CEP128: variants seen among roughly 807,000 people sequenced by gnomAD.
CEP128 encodes centrosomal protein 128.
CEP128 carries 132 observed loss-of-function variants against 156.7 expected under a neutral mutation model. That is an observed-to-expected ratio of 0.84 (90% CI 0.73 to 0.97). The LOEUF (loss-of-function observed/expected upper bound fraction) is 0.97. CEP128 is among the 50% of genes least tolerant of loss of function. The pLI is 0.00. For synonymous variants in CEP128, 469 were observed against 448.9 expected, an observed-to-expected ratio of 1.04 and a Z score of -0.57; for missense variants, 1,252 against 1,281.9, an observed-to-expected ratio of 0.98 and a Z score of 0.36.
chr14:80,635,538 G>C (rs7153484), intron 19 of CEP128, among the ~76,000 whole-genome samples: 44,566 of 151,972 alleles, frequency 0.29, 8,500 homozygotes, highest in African/African-American at 0.53. Flanking sequence ...GCTGCAAGAA[G>C]AGTTTCTTCT....
intron 19 of CEP128, among the ~76,000 whole-genome samples, chr14:80,693,959 T>A (rs1461240909): frequency 6.6e-6 from 1 of 152,156 alleles, no homozygotes; most frequent in African/African-American, 2.4e-5. Flanking sequence ...ATGTTTACAA[T>A]GAGGATGAGT....
At chr14:80,937,447 T>G (rs1885871315) in intron 2 of CEP128, among the ~76,000 whole-genome samples, 1 of 152,082 alleles carries the variant, frequency 6.6e-6, no homozygotes, top group Non-Finnish European at 1.5e-5. Flanking sequence ...ACTGTAGAAA[T>G]TCTTCAGAAA....
chr14:80,852,546 T>C (rs1023734530), intron 9 of CEP128, among the ~76,000 whole-genome samples: 1 of 151,580 alleles, frequency 6.6e-6, no homozygotes, highest in Non-Finnish European at 1.5e-5. Context: ...AATGAAGCAA[T>C]AAACAAAGCC....
intron 13 of CEP128, among the ~76,000 whole-genome samples, chr14:80,825,815 C>A (rs1885440676): frequency 6.6e-6 from 1 of 152,078 alleles, no homozygotes; most frequent in East Asian, 1.9e-4. Flanking sequence ...ATTTTACTTG[C>A]AGAACATCTC....
chr14:80,858,397 A>T lies in CEP128; in HGVS notation c.762+4360T>A, dbSNP rs228114. Among the ~76,000 whole-genome samples, 1,204 of 125,386 alleles carry T rather than the reference A, an allele frequency of 9.6e-3. 20 individuals carry two copies. Among genetic ancestry groups the T allele is most frequent in the African/African-American group, 0.035 (1,140 of 32,118 alleles). 82.3% of individuals were successfully genotyped at this position (125,386 alleles called of 152,430 possible). ...TTACACCTTATACAAAAATCAATTC[A>T]AGATGGATTAAAGACTTAAACGTTA... On this transcript the variant is annotated intron_variant, in intron 9 of 24. Coordinates refer to ENST00000555265, the MANE Select transcript of CEP128 (RefSeq NM_152446.5).
chr14:80,503,041 T>G (rs1887808807), intron 24 of CEP128, among the ~76,000 whole-genome samples: 1 of 152,180 alleles, frequency 6.6e-6, no homozygotes, highest in Non-Finnish European at 1.5e-5. Flanking sequence ...TTAAATTTTT[T>G]AAAGTATTTT....
At chr14:80,704,879 A>G (rs994175104) in intron 19 of CEP128, among the ~76,000 whole-genome samples, 2 of 151,924 alleles carry the variant, frequency 1.3e-5, no homozygotes, top group African/African-American at 4.8e-5. Context: ...TCAAAAACAG[A>G]GTAGATCAGT....
At chr14:80,922,707 G>A (rs1296262031) in intron 2 of CEP128, among the ~76,000 whole-genome samples, 1 of 152,062 alleles carries the variant, frequency 6.6e-6, no homozygotes, top group African/African-American at 2.4e-5. Flanking sequence ...CTTCATTATT[G>A]TCTTTAAAGA....
intron 21 of CEP128, among the ~76,000 whole-genome samples, chr14:80,554,808 C>T (rs1196957727): frequency 2.0e-5 from 3 of 151,790 alleles, no homozygotes; most frequent in Admixed American, 2.0e-4. Flanking sequence ...CATTAATTTT[C>T]AGTCTTTATT....
chr14:80,612,833 G>GT lies in CEP128; in HGVS notation c.2807-32411dup, dbSNP rs567021237. On this transcript the variant is annotated intron_variant, in intron 19 of 24. Transcript: ENST00000555265. Reference sequence around the variant, plus strand: ...ATAAAGATCTCAGAAACCAGAAAGTGTTTTTTTGTTTTTGTTTTTGTTTTT... The same window carrying GT: ...ATAAAGATCTCAGAAACCAGAAAGTGTTTTTTTTGTTTTTGTTTTTGTTTTT... Among the ~76,000 whole-genome samples, 423 of 151,804 alleles carry GT rather than the reference G, an allele frequency of 2.8e-3. 1 individual carries two copies. Among genetic ancestry groups the GT allele is most frequent in the Non-Finnish European group, 4.6e-3 (315 of 67,838 alleles).
chr14:80,704,794 T>C (rs34540535), intron 19 of CEP128, among the ~76,000 whole-genome samples: 3,579 of 152,184 alleles, frequency 0.024, 61 homozygotes, highest in Non-Finnish European at 0.038. Flanking sequence ...CCTTCTTCTT[T>C]CTTTCTACCT....
intron 2 of CEP128, among the ~76,000 whole-genome samples, chr14:80,933,407 G>C (rs2139596246): frequency 6.6e-6 from 1 of 152,202 alleles, no homozygotes; most frequent in South Asian, 2.1e-4. Context: ...TCAGCCCAGG[G>C]GATTCTTTAG....
At chr14:80,884,026 A>G (rs1888675356) in intron 8 of CEP128, among the ~76,000 whole-genome samples, 1 of 152,210 alleles carries the variant, frequency 6.6e-6, no homozygotes, top group Admixed American at 6.5e-5. Flanking sequence ...ATTCATATGC[A>G]GAAGTATGAA....
chr14:80,743,069 A>T lies in CEP128; in HGVS notation c.2806+6T>A. The T allele has an allele frequency of 1.2e-5, 19 of 1,612,244 alleles. No homozygotes were observed. The highest frequency in any genetic ancestry group is 1.6e-5 in the Non-Finnish European group (19 of 1,178,848). ...AAAGAAAAATGAAAGAACAACTAAC[A>T]CACACCTCTCTTCTCACGATGTATT... On this transcript the variant is annotated splice_donor_region_variant and intron_variant, in intron 19 of 24. Transcript: ENST00000555265.
intron 2 of CEP128, among the ~76,000 whole-genome samples, chr14:80,953,175 C>T (rs978436778): frequency 6.6e-6 from 1 of 150,376 alleles, no homozygotes; most frequent in Non-Finnish European, 1.5e-5. Context: ...GCCCTCATAC[C>T]AAAATTTGAC....
At chr14:80,620,398 C>A (rs1417203909) in intron 19 of CEP128, among the ~76,000 whole-genome samples, 1 of 151,832 alleles carries the variant, frequency 6.6e-6, no homozygotes, top group African/African-American at 2.4e-5. Context: ...CAAAGAGAAC[C>A]AAGCAGAATA....
chr14:80,688,747 GT>G (rs1293629028), intron 19 of CEP128, among the ~76,000 whole-genome samples: 1 of 152,150 alleles, frequency 6.6e-6, no homozygotes, highest in African/African-American at 2.4e-5. Flanking sequence ...AGAAAAATAA[GT>G]GAGAGGAATC....
intron 19 of CEP128, among the ~76,000 whole-genome samples, chr14:80,732,471 G>GAT (rs1555396233): frequency 1.6e-5 from 2 of 127,646 alleles, no homozygotes; most frequent in African/African-American, 3.0e-5. Context: ...TGATTAAGCA[G>GAT]GTGTGTGTGT....
At chr14:80,649,471 T>C (rs1387271161) in intron 19 of CEP128, among the ~76,000 whole-genome samples, 2 of 151,598 alleles carry the variant, frequency 1.3e-5, no homozygotes, top group Non-Finnish European at 1.5e-5. Context: ...AAAAAAGAGA[T>C]TAAAAAAAGG....
Sources: gnomAD v4.1 joint callset for allele counts (sites outside exome capture counted in the v4.1 genomes callset) on GRCh38, gnomAD v4.1.1 for gene constraint, MANE v1.5 for transcripts, NCBI Gene and HGNC (gene_info 2026-07-23, HGNC 2026-07-21) for gene names.